Variants in SEMA3A observed in about 807,000 individuals in gnomAD.
SEMA3A encodes semaphorin 3A.
SEMA3A carries 29 observed loss-of-function variants against 97.9 expected under a neutral mutation model. That is an observed-to-expected ratio of 0.30 (90% CI 0.22 to 0.40). The LOEUF is 0.40. Ranked by LOEUF, SEMA3A falls within the 10% of genes least tolerant of loss-of-function variation. The pLI is 1.00. For synonymous variants in SEMA3A, 321 were observed against 323.7 expected, an observed-to-expected ratio of 0.99 and a Z score of 0.09; for missense variants, 763 against 951.3, an observed-to-expected ratio of 0.80 and a Z score of 2.60.
chr7:83,973,150 T>C (rs2116292028), intron 15 of SEMA3A, among the ~76,000 whole-genome samples: 1 of 152,272 alleles, frequency 6.6e-6, no homozygotes, highest in African/African-American at 2.4e-5. Context: ...TGTCCGAAAT[T>C]TGGGTCCATT....
chr7:84,060,179 A>C (rs1793156015), intron 5 of SEMA3A, among the ~76,000 whole-genome samples: 1 of 152,174 alleles, frequency 6.6e-6, no homozygotes, highest in South Asian at 2.1e-4. Flanking sequence ...ACAAGGTAAC[A>C]CAATGGGTCT....
chr7:84,143,950 A>AAC (rs796470836), intron 1 of SEMA3A, among the ~76,000 whole-genome samples: 9,987 of 94,538 alleles, frequency 0.11, 455 homozygotes, highest in Middle Eastern at 0.17. Flanking sequence ...CTCTCTCTCT[A>AAC]ACACACACAC....
intron 6 of SEMA3A, among the ~76,000 whole-genome samples, chr7:84,020,140 G>T (rs2116437778): frequency 7.2e-6 from 1 of 138,040 alleles, no homozygotes. Flanking sequence ...CCACCACCCG[G>T]GTTCAAGTGA....
intron 7 of SEMA3A, 146 bp from the exon 8 acceptor site, chr7:84,011,443 G>C (rs1790868746): frequency 1.6e-6 from 1 of 629,116 alleles, no homozygotes; most frequent in Non-Finnish European, 2.8e-6. Flanking sequence ...ACCAGATATA[G>C]GTAACTATCA....
intron 13 of SEMA3A, among the ~76,000 whole-genome samples, chr7:83,985,212 A>G (rs931482417): frequency 1.4e-4 from 21 of 152,156 alleles, no homozygotes; most frequent in African/African-American, 5.1e-4. Flanking sequence ...GATCCATAAA[A>G]TAATGTTTAT....
intron 5 of SEMA3A, among the ~76,000 whole-genome samples, chr7:84,059,644 T>G (rs1793135803): frequency 6.6e-6 from 1 of 151,790 alleles, no homozygotes; most frequent in Admixed American, 6.6e-5. Context: ...GCATATTGTA[T>G]AGAAAAGGAA....
At chr7:84,108,783 T>A (rs571528355) in intron 4 of SEMA3A, among the ~76,000 whole-genome samples, 151 of 152,028 alleles carry the variant, frequency 9.9e-4, no homozygotes, top group Non-Finnish European at 1.7e-3. Flanking sequence ...CTTGCACCTG[T>A]AATCCCAGCT....
chr7:84,439,655 AT>A (rs1805222075), intron 1 of SEMA3A, among the ~76,000 whole-genome samples: 1 of 152,204 alleles, frequency 6.6e-6, no homozygotes, highest in East Asian at 1.9e-4. Context: ...GATTAAGGCT[AT>A]AAAAAGCTTG....
chr7:84,136,171 T>C (rs1056819796), intron 1 of SEMA3A, among the ~76,000 whole-genome samples: 3 of 152,052 alleles, frequency 2.0e-5, no homozygotes, highest in African/African-American at 7.2e-5. Context: ...TAGTAGGAAA[T>C]TTTCATCAGC....
At chr7:83,970,780 T>C (rs1035449419) in intron 15 of SEMA3A, among the ~76,000 whole-genome samples, 4 of 152,216 alleles carry the variant, frequency 2.6e-5, no homozygotes, top group Admixed American at 2.6e-4. Flanking sequence ...GTGGTTTTTA[T>C]TATAATTTTA....
intron 3 of SEMA3A, among the ~76,000 whole-genome samples, chr7:84,225,758 G>A (rs145468286): frequency 1.4e-4 from 22 of 152,156 alleles, no homozygotes; most frequent in Admixed American, 9.2e-4. Context: ...AGAAAGGTGC[G>A]TGTAGGATGT....
chr7:83,997,719 G>A (rs1425853748), intron 12 of SEMA3A, among the ~76,000 whole-genome samples: 1 of 151,338 alleles, frequency 6.6e-6, no homozygotes, highest in Non-Finnish European at 1.5e-5. Flanking sequence ...ACATTTAATT[G>A]TTACAGATTG....
intron 5 of SEMA3A, 30 bp from the exon 6 acceptor site, chr7:84,046,473 C>A (rs961218102): frequency 1.2e-6 from 2 of 1,609,826 alleles, no homozygotes; most frequent in East Asian, 2.2e-5. Context: ...CATACACATT[C>A]TTTAATTCAA....
intron 1 of SEMA3A, among the ~76,000 whole-genome samples, chr7:84,453,772 A>G (rs1584336522): frequency 6.6e-6 from 1 of 152,304 alleles, no homozygotes; most frequent in East Asian, 1.9e-4. Flanking sequence ...TTTGCAAAAA[A>G]AACTTGTGTA....
chr7:84,191,888 CT>C (rs1262248238), intron 1 of SEMA3A, among the ~76,000 whole-genome samples: 4 of 151,614 alleles, frequency 2.6e-5, no homozygotes, highest in Non-Finnish European at 5.9e-5. Flanking sequence ...TTCCTTTTTC[CT>C]AGAAAGTAAA....
chr7:84,029,805 C>CCA (rs768384418), intron 6 of SEMA3A, among the ~76,000 whole-genome samples: 26 of 106,834 alleles, frequency 2.4e-4, no homozygotes, highest in Admixed American at 6.2e-4. Flanking sequence ...CACATCCCTT[C>CCA]CATATACACA....
intron 3 of SEMA3A, among the ~76,000 whole-genome samples, chr7:84,262,178 C>T (rs1274233893): frequency 4.6e-5 from 7 of 151,784 alleles, no homozygotes; most frequent in Admixed American, 3.9e-4. Context: ...GGCCAGCATA[C>T]TTTTTAGACT....
At chr7:84,307,767 T>A (rs2115850604) in intron 2 of SEMA3A, among the ~76,000 whole-genome samples, 1 of 152,202 alleles carries the variant, frequency 6.6e-6, no homozygotes, top group Admixed American at 6.5e-5. Context: ...AAGCTTTTCC[T>A]TTTTTTCTGG....
At chr7:84,463,691 T>C (rs1805921184) in intron 1 of SEMA3A, among the ~76,000 whole-genome samples, 1 of 152,152 alleles carries the variant, frequency 6.6e-6, no homozygotes, top group Non-Finnish European at 1.5e-5. Context: ...TGGAATGACT[T>C]TTCTTCTCCC....
Sources: gnomAD v4.1 joint callset for allele counts (sites outside exome capture counted in the v4.1 genomes callset) on GRCh38, gnomAD v4.1.1 for gene constraint, MANE v1.5 for transcripts, NCBI Gene and HGNC (gene_info 2026-07-23, HGNC 2026-07-21) for gene names.